The following KCNMA1 variants were observed in gnomAD, a reference collection of about 807,000 sequenced individuals.
KCNMA1 encodes potassium calcium-activated channel subfamily M alpha 1.
In KCNMA1, 29 loss-of-function variants were observed where a neutral mutation model predicts 140.0. That is an observed-to-expected ratio of 0.21 (90% CI 0.15 to 0.28). KCNMA1 has a LOEUF of 0.28. Among genes scored for constraint, KCNMA1 ranks in the 10% least tolerant of loss-of-function variants. The pLI, the probability that KCNMA1 is intolerant of heterozygous loss-of-function variation, is 1.00. For missense variants in KCNMA1, 880 were observed against 1,602.2 expected, an observed-to-expected ratio of 0.55 and a Z score of 7.70; for synonymous variants, 612 against 611.9, an observed-to-expected ratio of 1.00 and a Z score of 0.00.
intron 20 of KCNMA1, among the ~76,000 whole-genome samples, chr10:76,960,061 C>A (rs913775309): frequency 1.3e-5 from 2 of 152,226 alleles, no homozygotes; most frequent in African/African-American, 4.8e-5. Context: ...CTTGTTCATT[C>A]TCCATCAAAA....
chr10:77,177,270 T>C (rs1355435510), intron 5 of KCNMA1, among the ~76,000 whole-genome samples: 8 of 151,588 alleles, frequency 5.3e-5, no homozygotes, highest in Non-Finnish European at 1.0e-4. Flanking sequence ...TCCTTCCTTC[T>C]TTCCTTTCTT....
intron 1 of KCNMA1, among the ~76,000 whole-genome samples, chr10:77,428,289 C>A (rs1252684880): frequency 2.6e-5 from 4 of 152,258 alleles, no homozygotes; most frequent in African/African-American, 9.6e-5. Context: ...TCATCACTGC[C>A]TATGTTGCCT....
intron 14 of KCNMA1, among the ~76,000 whole-genome samples, chr10:77,056,023 T>C (rs2095529696): frequency 6.6e-6 from 1 of 152,170 alleles, no homozygotes; most frequent in Non-Finnish European, 1.5e-5. Context: ...GCCAACGCTT[T>C]GAAAACTCAA....
intron 2 of KCNMA1, among the ~76,000 whole-genome samples, chr10:77,257,866 C>T (rs1600258265): frequency 6.6e-6 from 1 of 152,198 alleles, no homozygotes; most frequent in East Asian, 1.9e-4. Flanking sequence ...TGTTAGGCCT[C>T]CCCAGCCACG....
chr10:77,080,163 C>T (rs2096528457), intron 12 of KCNMA1, among the ~76,000 whole-genome samples: 1 of 152,204 alleles, frequency 6.6e-6, no homozygotes, highest in Non-Finnish European at 1.5e-5. Context: ...GCTCATGGGA[C>T]TTGCCTTTCT....
chr10:77,550,217 G>T (rs1356629002), intron 1 of KCNMA1, among the ~76,000 whole-genome samples: 7 of 152,286 alleles, frequency 4.6e-5, no homozygotes, highest in South Asian at 2.1e-4. Flanking sequence ...AAGGGTTGGA[G>T]AAGAGAGGGA....
At chr10:77,139,962 T>C (rs935348234) in intron 5 of KCNMA1, among the ~76,000 whole-genome samples, 4 of 152,224 alleles carry the variant, frequency 2.6e-5, no homozygotes, top group African/African-American at 4.8e-5. Flanking sequence ...CTGAAAATTA[T>C]TGCCATTTAA....
intron 3 of KCNMA1, among the ~76,000 whole-genome samples, chr10:77,212,046 C>A (rs2046256911): frequency 6.6e-6 from 1 of 152,126 alleles, no homozygotes; most frequent in East Asian, 1.9e-4. Flanking sequence ...GGAAATTTCT[C>A]AAAACACTTA....
rs376118995 is a variant in KCNMA1, at chr10:77,260,085, T to A, written c.541-8829A>T. On this transcript the variant is annotated intron_variant, in intron 2 of 27. Coordinates refer to ENST00000286628, the MANE Select transcript of KCNMA1 (RefSeq NM_001161352.2). ...AACCCGGAATAAAGGTGAGATGCAG[T>A]TCCAGGTAATGGCAGCATCCAGGGG... 1.6e-3 allele frequency among the ~76,000 whole-genome samples: 243 copies of A among 152,274 alleles called. 1 individual carries two copies. The highest frequency in any genetic ancestry group is 5.4e-3 in the African/African-American group (225 of 41,566).
chr10:77,008,284 G>A lies in KCNMA1; in HGVS notation c.2092+3683C>T, dbSNP rs1030467280. 8 of 1,370,818 alleles carry A rather than the reference G, an allele frequency of 5.8e-6. No homozygotes were observed. The African/African-American group carries it at 1.2e-4, about 20-fold the overall frequency. The allele number at this position is 1,370,818 out of a possible 1,614,324, so 84.9% of individuals were successfully genotyped here. A position where few individuals can be genotyped will look rare whatever the true frequency, so the allele number is the denominator to read the frequency against. The stretch of plus-strand genomic sequence containing the variant: ...ATCAAAGATATGTCAATGATTTGAA[G>A]TCAAAGAAAATTCCTTCAAACACAT... On this transcript the variant is annotated intron_variant, in intron 18 of 27. Coordinates refer to ENST00000286628, the MANE Select transcript of KCNMA1 (RefSeq NM_001161352.2).
rs114156977 is a variant in KCNMA1 at position 77,194,873 on chromosome 10, C to T, written c.603-9957G>A. 9.1e-3 allele frequency among the ~76,000 whole-genome samples: 1,391 copies of T among 152,244 alleles called. 28 individuals carry two copies. Among genetic ancestry groups the T allele is most frequent in the African/African-American group, 0.031 (1,308 of 41,530 alleles). On this transcript the variant is annotated intron_variant, in intron 3 of 27. Transcript: ENST00000286628. ...TAATTATGTTTAAAAAACAGTTGTT[C>T]CATTTATCTGCTGCTTCACTTTGAC...
chr10:77,312,563 T>C (rs760905313), intron 2 of KCNMA1, among the ~76,000 whole-genome samples: 2 of 152,174 alleles, frequency 1.3e-5, no homozygotes, highest in African/African-American at 2.4e-5. Flanking sequence ...GAGACGGAGA[T>C]TGTAGTGAGC....
chr10:77,084,646 TTCGAG>T lies in KCNMA1; in HGVS notation c.1509_1513del (p.Ser504TyrfsTer41). 1 of 1,613,852 alleles carries T rather than the reference TTCGAG, an allele frequency of 6.2e-7. No individual in the cohort carries two copies. Among genetic ancestry groups the T allele is most frequent in the Non-Finnish European group, 8.5e-7 (1 of 1,179,730 alleles). ...GCGCCCCAAGAGTTACCTCATGATA[TTCGAG>T]GCATCCTCCGCATCCGGGTCAGCGC... On this transcript the variant is annotated frameshift_variant, in exon 12 of 28. Transcript: ENST00000286628. LOFTEE classifies it high-confidence loss of function.
At chr10:76,917,756 G>T (rs1431457007) in intron 23 of KCNMA1, among the ~76,000 whole-genome samples, 1 of 152,112 alleles carries the variant, frequency 6.6e-6, no homozygotes, top group Non-Finnish European at 1.5e-5. Flanking sequence ...AAAGCAAAAG[G>T]CAACAATAAC....
At chr10:77,320,572 C>T (rs2082073303) in intron 2 of KCNMA1, among the ~76,000 whole-genome samples, 1 of 152,080 alleles carries the variant, frequency 6.6e-6, no homozygotes, top group Non-Finnish European at 1.5e-5. Flanking sequence ...CCACTCCTGC[C>T]CTCCTTTCAG....
chr10:76,992,756 G>C (rs754593176), intron 19 of KCNMA1, among the ~76,000 whole-genome samples: 2 of 152,142 alleles, frequency 1.3e-5, no homozygotes, highest in African/African-American at 2.4e-5. Flanking sequence ...CACAGACAAA[G>C]GTCTTATGCA....
In KCNMA1 at chr10:77,426,491, A is replaced by G. The variant is rs181241715; in HGVS notation, c.379-22468T>C. ...GTGAACGACTCGAGGTCACACAGTT[A>G]TAAGAGGTTGAGCTGGGATATAAAT... On this transcript the variant is annotated intron_variant, in intron 1 of 27. Coordinates refer to ENST00000286628, the MANE Select transcript of KCNMA1 (RefSeq NM_001161352.2). 2.9e-3 allele frequency among the ~76,000 whole-genome samples: 440 copies of G among 152,290 alleles called. 2 individuals are homozygous for G. The highest frequency in any genetic ancestry group is 0.01 in the African/African-American group (427 of 41,564).
At chr10:77,142,362 C>A (rs2098195197) in intron 5 of KCNMA1, among the ~76,000 whole-genome samples, 1 of 126,858 alleles carries the variant, frequency 7.9e-6, no homozygotes, top group African/African-American at 2.9e-5. Flanking sequence ...CAGAGGGAGA[C>A]TCCATTTAAA....
At position 77,001,426 on chromosome 10, in the gene KCNMA1, G is replaced by A. The variant is rs901566805; in HGVS notation, c.2247C>T (p.Cys749=). The change falls in exon 19 of 28, where the codon TGC becomes TGT. Residue 749 remains cysteine (C), a synonymous_variant. Transcript: ENST00000286628. ...ACTTACAGGCACGGAAACTGGTGGAGCAATCATTAACAGAGACAGAAGAAA... is the reference window on the plus strand; with the variant it reads ...ACTTACAGGCACGGAAACTGGTGGAACAATCATTAACAGAGACAGAAGAAA... ...FPLSSVSVND[C]STSFRAFEDE... is the part of the protein sequence containing the mutation. 6.4e-6 allele frequency: 10 copies of A among 1,551,576 alleles called. No homozygotes were observed. The highest frequency in any genetic ancestry group is 8.7e-6 in the Non-Finnish European group (10 of 1,146,954).
Sources: allele counts gnomAD v4.1 joint callset (sites outside exome capture counted in the v4.1 genomes callset), GRCh38; gene constraint gnomAD v4.1.1; transcripts MANE v1.5; gene names NCBI Gene and HGNC (gene_info 2026-07-23, HGNC 2026-07-21).